The following PPM1B variants were observed in gnomAD, a reference collection of about 807,000 sequenced individuals.
PPM1B encodes the protein protein phosphatase 1B.
A neutral mutation model predicts 43.0 loss-of-function variants in PPM1B; 22 were observed. That is an observed-to-expected ratio of 0.51 (90% CI 0.37 to 0.73). The LOEUF is 0.73. Ranked by LOEUF, PPM1B falls within the 30% of genes least tolerant of loss-of-function variation. The pLI is 0.00. For synonymous variants in PPM1B, 217 were observed against 197.9 expected (o/e 1.10, Z -0.81); for missense variants, 632 against 584.2 (o/e 1.08, Z -0.84).
chr2:44,177,487 C>T (rs963724146), intron 1 of PPM1B, among the ~76,000 whole-genome samples: 3 of 143,418 alleles, frequency 2.1e-5, no homozygotes, highest in African/African-American at 7.8e-5. Flanking sequence ...GGCATGATCT[C>T]GGCTCACTGC....
intron 1 of PPM1B, among the ~76,000 whole-genome samples, chr2:44,190,638 G>C (rs1668365988): frequency 6.6e-6 from 1 of 152,118 alleles, no homozygotes; most frequent in Non-Finnish European, 1.5e-5. Flanking sequence ...ACATTTAAAT[G>C]AGTTGATCTT....
intron 1 of PPM1B, among the ~76,000 whole-genome samples, chr2:44,194,047 T>A (rs1182023895): frequency 6.6e-6 from 1 of 152,230 alleles, no homozygotes; most frequent in Non-Finnish European, 1.5e-5. Context: ...TTTGTTTGTT[T>A]GTTTTTAATA....
rs1223374671 is a variant in PPM1B, at chr2:44,231,142, A to AAGAAC, written c.*425_*426insGAACA. 1.0e-6 allele frequency: 1 copy of AAGAAC among 952,822 alleles called. No homozygotes were observed. The highest frequency in any genetic ancestry group is 1.2e-6 in the Non-Finnish European group (1 of 800,450). The allele number at this position is 952,822 out of a possible 1,614,324, so 59.0% of individuals were successfully genotyped here. ...TTTGTAATAAATTTATGTTTTCTTT[A>AAGAAC]ATAATTTTAGTTCTTCAAAGAATGG... On this transcript the variant is annotated 3_prime_UTR_variant, in exon 6 of 6. Transcript: ENST00000282412.
exon 6 of PPM1B, chr2:44,244,307 A>G (rs1288371248): frequency 1.5e-6 from 2 of 1,360,694 alleles, no homozygotes; most frequent in Non-Finnish European, 9.8e-7. Flanking sequence ...CAGACCTTCC[A>G]AGCACTCAGA....
chr2:44,229,590 G>A (rs1279835095), intron 5 of PPM1B, among the ~76,000 whole-genome samples: 1 of 152,078 alleles, frequency 6.6e-6, no homozygotes, highest in African/African-American at 2.4e-5. Flanking sequence ...TGTAAACTGG[G>A]AATTAGCATT....
downstream of PPM1B, among the ~76,000 whole-genome samples, chr2:44,238,934 CTG>C (rs1176934457): frequency 1.3e-5 from 2 of 151,538 alleles, no homozygotes; most frequent in Non-Finnish European, 2.9e-5. Flanking sequence ...TTAATGTAAA[CTG>C]AAATTATTTC....
At position 44,230,590 on chromosome 2, in the gene PPM1B, T is replaced by A; in HGVS notation, c.1312T>A (p.Ser438Thr). 1 of 1,614,174 alleles carries A rather than the reference T, an allele frequency of 6.2e-7. No individual in the cohort carries two copies. Among genetic ancestry groups the A allele is most frequent in the South Asian group, 1.1e-5 (1 of 91,084 alleles). Residue 438 changes from serine to threonine, a missense_variant, in exon 6 of 6, where the codon TCT (serine) becomes ACT (threonine). By Grantham distance (58) the Ser-to-Thr change is moderately conservative (BLOSUM62 1). Coordinates refer to ENST00000282412, the MANE Select transcript of PPM1B (RefSeq NM_002706.6). The part of the protein sequence containing the change: ...SPAEPAATAT[S>T]SNSDAGNPVT... ...TGCTGAACCAGCTGCCACAGCTACT[T>A]CTTCGAACAGTGATGCTGGAAACCC...
intron 3 of PPM1B, 135 bp from the exon 4 acceptor site, chr2:44,217,832 A>T (rs1291347629): frequency 8.6e-6 from 4 of 466,798 alleles, no homozygotes; most frequent in Non-Finnish European, 1.5e-5. Context: ...CTTCTTAAAA[A>T]TTTTTTGTGT....
At chr2:44,223,554 A>C (rs1427284058) in intron 5 of PPM1B, among the ~76,000 whole-genome samples, 1 of 152,122 alleles carries the variant, frequency 6.6e-6, no homozygotes, top group Non-Finnish European at 1.5e-5. Context: ...TCATGCCTGT[A>C]ATGCCAGCAC....
chr2:44,246,644 G>A (rs972433922), downstream of PPM1B, among the ~76,000 whole-genome samples: 2 of 152,196 alleles, frequency 1.3e-5, no homozygotes, highest in African/African-American at 4.8e-5. Flanking sequence ...GGATATCATA[G>A]GATTTTACAT....
intron 1 of PPM1B, among the ~76,000 whole-genome samples, chr2:44,177,142 G>T (rs373364981): frequency 4.3e-4 from 66 of 152,222 alleles, no homozygotes; most frequent in African/African-American, 1.6e-3. Flanking sequence ...ATATGCAAGA[G>T]AACTTGAAAT....
intron 2 of PPM1B, among the ~76,000 whole-genome samples, chr2:44,207,865 G>A (rs1669263082): frequency 6.8e-6 from 1 of 147,524 alleles, no homozygotes; most frequent in Non-Finnish European, 1.5e-5. Context: ...TTATAGCCAT[G>A]AGTCACAGTG....
intron 3 of PPM1B, among the ~76,000 whole-genome samples, chr2:44,217,547 TG>T (rs1439640852): frequency 6.6e-6 from 1 of 152,244 alleles, no homozygotes. Flanking sequence ...ACTTTTATAT[TG>T]TTTTTACTTA....
downstream of PPM1B, among the ~76,000 whole-genome samples, chr2:44,239,535 C>T (rs1273171248): frequency 2.0e-5 from 3 of 151,944 alleles, 1 homozygote; most frequent in Non-Finnish European, 4.4e-5. Context: ...CATATAGTCT[C>T]TAATTTTTTT....
intron 2 of PPM1B, among the ~76,000 whole-genome samples, chr2:44,206,986 A>G (rs1334421906): frequency 6.6e-6 from 1 of 152,208 alleles, no homozygotes; most frequent in African/African-American, 2.4e-5. Flanking sequence ...TTTCTAATAT[A>G]AAAGTTTTGG....
downstream of PPM1B, among the ~76,000 whole-genome samples, chr2:44,236,402 C>CAAAAAAAAAAAAAAAAAAAAAAAAAA (rs61414038): frequency 5.9e-4 from 28 of 47,530 alleles, 1 homozygote; most frequent in Non-Finnish European, 8.5e-4. Context: ...GACTCCGTCT[C>CAAAAAAAAAAAAAAAAAAAAAAAAAA]AAAAAAAAAA....
At chr2:44,239,896 GTT>G (rs66631221) in intron 5 of PPM1B, among the ~76,000 whole-genome samples, 7 of 140,278 alleles carry the variant, frequency 5.0e-5, no homozygotes, top group South Asian at 2.3e-4. Context: ...TTTTGTTTTT[GTT>G]TTTTTTTTTT....
At chr2:44,184,165 A>G (rs748488285) in intron 1 of PPM1B, among the ~76,000 whole-genome samples, 2 of 152,260 alleles carry the variant, frequency 1.3e-5, no homozygotes, top group African/African-American at 2.4e-5. Flanking sequence ...TGAGGATTAA[A>G]TGAGTTCATG....
At chr2:44,232,543 A>G, downstream of PPM1B, 1 of 1,419,996 alleles carries the variant, frequency 7.0e-7, no homozygotes, top group Non-Finnish European at 9.2e-7. Context: ...CATTGCCTGT[A>G]CTACAGTATT....
Sources: allele counts gnomAD v4.1 joint callset (sites outside exome capture counted in the v4.1 genomes callset), GRCh38; gene constraint gnomAD v4.1.1; transcripts MANE v1.5; gene names NCBI Gene and HGNC (gene_info 2026-07-23, HGNC 2026-07-21).